The following DPPA2 variants were observed in gnomAD, a reference collection of about 807,000 sequenced individuals.
DPPA2 encodes the protein developmental pluripotency associated 2.
DPPA2 carries 26 observed loss-of-function variants against 36.2 expected under a neutral mutation model. That is an observed-to-expected ratio of 0.72 (90% CI 0.53 to 1.00). DPPA2 has a LOEUF of 1.00. Ranked by LOEUF, DPPA2 falls within the 50% of genes least tolerant of loss-of-function variation. The probability of loss-of-function intolerance (pLI) is 0.00; values close to 1 mark genes in which losing one functional copy is unlikely to be tolerated. For missense variants in DPPA2, 361 were observed against 365.1 expected, an observed-to-expected ratio of 0.99 and a Z score of 0.09; for synonymous variants, 113 against 123.2, an observed-to-expected ratio of 0.92 and a Z score of 0.55.
intron 7 of DPPA2, among the ~76,000 whole-genome samples, chr3:109,301,454 C>G (rs1576817159): frequency 6.6e-6 from 1 of 152,146 alleles, no homozygotes; most frequent in East Asian, 1.9e-4. Flanking sequence ...GCGTTCCAGA[C>G]CAGCCTGGCC....
chr3:109,309,523 TAA>T (rs1271074097), intron 3 of DPPA2, among the ~76,000 whole-genome samples, 193 bp from the exon 4 acceptor site: 1 of 151,100 alleles, frequency 6.6e-6, no homozygotes, highest in South Asian at 2.1e-4. Context: ...CCGTCTCTAC[TAA>T]AAAAATACAA....
At chr3:109,308,488 T>C (rs1451040366) in intron 5 of DPPA2, among the ~76,000 whole-genome samples, 195 bp from the exon 6 acceptor site, 1 of 152,056 alleles carries the variant, frequency 6.6e-6, no homozygotes, top group African/African-American at 2.4e-5. Flanking sequence ...TCAGCCTCCC[T>C]AGTAGCTGGG....
At chr3:109,310,431 G>A (rs973223409) in intron 3 of DPPA2, among the ~76,000 whole-genome samples, 16 of 148,018 alleles carry the variant, frequency 1.1e-4, no homozygotes, top group African/African-American at 4.0e-4. Flanking sequence ...AAAAAAAAAG[G>A]GAGGTAAGAG....
At position 109,313,260 on chromosome 3, in the gene DPPA2, C is replaced by T. The variant is rs559455623; in HGVS notation, c.34-568G>A. Reference sequence around the variant, plus strand: ...CACAGAGCTGTGTAGCTTACAAATTCTCCAACAGTCTGGTCCCTGCCTGCC... The same window carrying T: ...CACAGAGCTGTGTAGCTTACAAATTTTCCAACAGTCTGGTCCCTGCCTGCC... On this transcript the variant is annotated intron_variant, in intron 2 of 8. Coordinates refer to ENST00000478945, the MANE Select transcript of DPPA2 (RefSeq NM_138815.4). Among the ~76,000 whole-genome samples the T allele has an allele frequency of 2.0e-5, 3 of 152,296 alleles. No homozygotes were observed. In the South Asian group the frequency reaches 6.2e-4, roughly 32 times the overall value.
At chr3:109,310,923 T>C (rs1368442138) in intron 3 of DPPA2, among the ~76,000 whole-genome samples, 1 of 152,120 alleles carries the variant, frequency 6.6e-6, no homozygotes, top group African/African-American at 2.4e-5. Flanking sequence ...TGCCTCAGCC[T>C]CCTCAGTAGC....
chr3:109,300,284 A>C, intron 8 of DPPA2, 87 bp downstream of exon 8: 1 of 1,065,372 alleles, frequency 9.4e-7, no homozygotes, highest in Non-Finnish European at 1.4e-6. Flanking sequence ...GGGGGAAGGC[A>C]GAGAGTTTCT....
At chr3:109,312,393 A>G (rs1253838092) in intron 3 of DPPA2, 152 bp downstream of exon 3, 1 of 894,936 alleles carries the variant, frequency 1.1e-6, no homozygotes, top group Non-Finnish European at 1.6e-6. Flanking sequence ...AGCGAGAAGT[A>G]TGAGAGTTTG....
intron 3 of DPPA2, among the ~76,000 whole-genome samples, chr3:109,310,706 A>AT (rs753593738): frequency 3.8e-4 from 57 of 151,472 alleles, no homozygotes; most frequent in Non-Finnish European, 7.2e-4. Context: ...GTGTTTCACT[A>AT]TGTTGGCCAG....
chr3:109,313,811 C>T (rs190520315), intron 2 of DPPA2, among the ~76,000 whole-genome samples: 4 of 152,294 alleles, frequency 2.6e-5, no homozygotes, highest in Admixed American at 2.6e-4. Context: ...ATAACACTGA[C>T]ATTATTTAGG....
At position 109,308,167 on chromosome 3, in the gene DPPA2, C is replaced by T. The variant is rs568811950; in HGVS notation, c.523G>A (p.Val175Ile). 4 of 1,614,090 alleles carry T rather than the reference C, an allele frequency of 2.5e-6. No individual in the cohort carries two copies. The highest frequency in any genetic ancestry group is 1.3e-5 in the African/African-American group (1 of 74,930). ...MNERAEETNT[V>I]EVITSAPGAM... ...CCCGGTGCTGAAGTTATCACTTCAACTGTATTGGTCTCTTCTGCTCTCTCA... is the reference window on the plus strand; with the variant it reads ...CCCGGTGCTGAAGTTATCACTTCAATTGTATTGGTCTCTTCTGCTCTCTCA... Residue 175 changes from valine (V) to isoleucine (I), a missense_variant, in exon 6 of 9, where the codon GTT becomes ATT. Coordinates refer to ENST00000478945, the MANE Select transcript of DPPA2 (RefSeq NM_138815.4).
At chr3:109,297,989 T>TCA (rs2107300820) in intron 8 of DPPA2, among the ~76,000 whole-genome samples, 1 of 152,258 alleles carries the variant, frequency 6.6e-6, no homozygotes, top group South Asian at 2.1e-4. Context: ...CACACACCTG[T>TCA]AGTCCCAGTG....
intron 3 of DPPA2, among the ~76,000 whole-genome samples, chr3:109,312,291 G>A (rs563496822): frequency 2.0e-5 from 3 of 152,198 alleles, no homozygotes; most frequent in Admixed American, 6.5e-5. Context: ...CCAAGACTGC[G>A]CCACTGCACT....
In DPPA2 at chr3:109,304,675, A is replaced by G. The variant is rs1199202588; in HGVS notation, c.659-5T>C. ...GGACCACACACCACCTGACGCCTGG[A>G]AAGGAAAAACAAATATAGACAGCAA... On this transcript the variant is annotated splice_polypyrimidine_tract_variant and splice_region_variant and intron_variant, in intron 6 of 8. Coordinates refer to ENST00000478945, the MANE Select transcript of DPPA2 (RefSeq NM_138815.4). 6.3e-7 allele frequency: 1 copy of G among 1,579,430 alleles called. No individual in the cohort carries two copies. Among genetic ancestry groups the G allele is most frequent in the African/African-American group, 1.4e-5 (1 of 73,274 alleles).
intron 3 of DPPA2, 53 bp downstream of exon 3, chr3:109,312,492 T>C (rs879170647): frequency 1.9e-6 from 3 of 1,559,222 alleles, no homozygotes; most frequent in South Asian, 2.4e-5. Flanking sequence ...TACTTTTTCC[T>C]GGGCTTCCCA....
At chr3:109,313,304 T>A (rs1187495091) in intron 2 of DPPA2, among the ~76,000 whole-genome samples, 1 of 152,250 alleles carries the variant, frequency 6.6e-6, no homozygotes, top group East Asian at 1.9e-4. Flanking sequence ...TCATGACCTC[T>A]GAGCTTTCTG....
chr3:109,296,398 G>A (rs1440413783), intron 8 of DPPA2, among the ~76,000 whole-genome samples: 1 of 152,214 alleles, frequency 6.6e-6, no homozygotes, highest in Non-Finnish European at 1.5e-5. Flanking sequence ...AACAAAGCTG[G>A]GCGTGGTGGC....
At chr3:109,295,932 CTA>C (rs1261541481) in intron 8 of DPPA2, among the ~76,000 whole-genome samples, 4 of 152,150 alleles carry the variant, frequency 2.6e-5, no homozygotes, top group African/African-American at 9.7e-5. Context: ...ATGGACTCAT[CTA>C]TAGCTGGACT....
chr3:109,299,204 C>CAAAA (rs35767226), intron 8 of DPPA2, among the ~76,000 whole-genome samples: 4 of 131,222 alleles, frequency 3.0e-5, no homozygotes, highest in African/African-American at 1.1e-4. Context: ...CTAAACATAC[C>CAAAA]AAAAAAAAAA....
Position 109,304,470 on chromosome 3 carries a change from G to T in DPPA2, c.854+5C>A. On this transcript the variant is annotated splice_donor_5th_base_variant and intron_variant, in intron 7 of 8. Coordinates refer to ENST00000478945, the MANE Select transcript of DPPA2 (RefSeq NM_138815.4). ...GCCATGCTTAACAAGATACATAAGGGTTACCTCTTAGCACAGTCGGGGCAT... is the reference window on the plus strand; with the variant it reads ...GCCATGCTTAACAAGATACATAAGGTTTACCTCTTAGCACAGTCGGGGCAT... The T allele has an allele frequency of 6.2e-7, 1 of 1,605,044 alleles. No homozygotes were observed. The highest frequency in any genetic ancestry group is 1.1e-5 in the South Asian group (1 of 89,332).
Sources: allele counts gnomAD v4.1 joint callset (sites outside exome capture counted in the v4.1 genomes callset), GRCh38; gene constraint gnomAD v4.1.1; transcripts MANE v1.5; gene names NCBI Gene and HGNC (gene_info 2026-07-23, HGNC 2026-07-21).